Variants in ENOX1 observed in about 807,000 individuals in gnomAD.
ENOX1 encodes ecto-NOX disulfide-thiol exchanger 1.
ENOX1 carries 42 observed loss-of-function variants against 82.5 expected under a neutral mutation model. That is an observed-to-expected ratio of 0.51 (90% CI 0.40 to 0.66). The LOEUF (loss-of-function observed/expected upper bound fraction) is 0.66. Among genes scored for constraint, ENOX1 ranks in the 30% least tolerant of loss-of-function variants. The pLI is 0.00. For synonymous variants in ENOX1, 271 were observed against 282.2 expected (o/e 0.96, Z 0.40); for missense variants, 608 against 811.6 (o/e 0.75, Z 3.05).
intron 3 of ENOX1, among the ~76,000 whole-genome samples, chr13:43,475,173 T>G (rs563910409): frequency 1.3e-5 from 2 of 152,234 alleles, no homozygotes; most frequent in East Asian, 1.9e-4. Context: ...AATTTGACCA[T>G]TAAGAAAATA....
At chr13:43,540,641 G>A (rs2078665617) in intron 2 of ENOX1, among the ~76,000 whole-genome samples, 1 of 152,174 alleles carries the variant, frequency 6.6e-6, no homozygotes, top group Admixed American at 6.5e-5. Flanking sequence ...ATGGCTATGA[G>A]CTAGGTCCTG....
At chr13:43,617,894 G>GT (rs1566646442) in intron 2 of ENOX1, among the ~76,000 whole-genome samples, 1 of 2,338 alleles carries the variant, frequency 4.3e-4, no homozygotes, top group Admixed American at 0.012. Context: ...CTACTGGTTT[G>GT]TTGTTGTTGT....
At chr13:43,534,862 T>C (rs999424409) in intron 2 of ENOX1, among the ~76,000 whole-genome samples, 3 of 152,194 alleles carry the variant, frequency 2.0e-5, no homozygotes, top group Admixed American at 6.5e-5. Flanking sequence ...CAAGGTATTA[T>C]TTAGCCCAAA....
intron 2 of ENOX1, among the ~76,000 whole-genome samples, chr13:43,599,820 G>C (rs1214966920): frequency 2.0e-5 from 3 of 151,260 alleles, no homozygotes; most frequent in African/African-American, 4.9e-5. Context: ...GCAAGTCCAA[G>C]TTCAGGACTT....
chr13:43,411,915 C>A lies in ENOX1; in HGVS notation c.208+1G>T, dbSNP rs766321408. 6.2e-7 allele frequency: 1 copy of A among 1,614,142 alleles called. No individual in the cohort carries two copies. Among genetic ancestry groups the A allele is most frequent in the Non-Finnish European group, 8.5e-7 (1 of 1,179,998 alleles). On this transcript the variant is annotated splice_donor_variant, in intron 5 of 16. Coordinates refer to ENST00000690772, the MANE Select transcript of ENOX1 (RefSeq NM_001347969.2). LOFTEE classifies it high-confidence loss of function. The stretch of plus-strand genomic sequence containing the variant: ...ATCTCTGAAACCAGGAGAAAGCTTA[C>A]CAGACACGAGCTGCTGTCCAGGCAA...
intron 11 of ENOX1, among the ~76,000 whole-genome samples, chr13:43,319,394 T>C (rs1340387919): frequency 6.6e-6 from 1 of 152,086 alleles, no homozygotes; most frequent in Non-Finnish European, 1.5e-5. Flanking sequence ...TTATATATGG[T>C]AAAAAGAAAA....
At chr13:43,655,940 C>T (rs907767094) in intron 2 of ENOX1, among the ~76,000 whole-genome samples, 9 of 152,140 alleles carry the variant, frequency 5.9e-5, no homozygotes, top group African/African-American at 1.7e-4. Flanking sequence ...GGTTCATATC[C>T]AGAATATCCT....
At chr13:43,542,119 TA>T (rs2078757711) in intron 2 of ENOX1, among the ~76,000 whole-genome samples, 1 of 152,310 alleles carries the variant, frequency 6.6e-6, no homozygotes, top group East Asian at 1.9e-4. Context: ...CCCTGGAATT[TA>T]AAGCATAAGT....
chr13:43,531,104 C>T (rs1397237471), intron 2 of ENOX1, among the ~76,000 whole-genome samples: 1 of 150,302 alleles, frequency 6.7e-6, no homozygotes, highest in Non-Finnish European at 1.5e-5. Flanking sequence ...GTAAATAATA[C>T]TTTTTTTTTA....
intron 3 of ENOX1, among the ~76,000 whole-genome samples, chr13:43,449,328 G>C (rs1347416167): frequency 6.6e-6 from 1 of 152,186 alleles, no homozygotes; most frequent in Non-Finnish European, 1.5e-5. Context: ...TGGTTTCAGG[G>C]GACATTGTGA....
intron 5 of ENOX1, among the ~76,000 whole-genome samples, chr13:43,409,426 GA>G: frequency 6.6e-6 from 1 of 152,108 alleles, no homozygotes; most frequent in Non-Finnish European, 1.5e-5. Flanking sequence ...AAAAAAAGCA[GA>G]AAGGAGAAAG....
chr13:43,747,750 A>G (rs923519490), intron 1 of ENOX1, among the ~76,000 whole-genome samples: 2 of 152,186 alleles, frequency 1.3e-5, no homozygotes, highest in Admixed American at 6.5e-5. Flanking sequence ...ATACCTTTTT[A>G]TTTGAAGGAT....
At chr13:43,652,123 C>T (rs1456800022) in intron 2 of ENOX1, among the ~76,000 whole-genome samples, 3 of 152,012 alleles carry the variant, frequency 2.0e-5, no homozygotes, top group Non-Finnish European at 2.9e-5. Flanking sequence ...GAAAATGATG[C>T]CTCTTCAGGT....
intron 2 of ENOX1, among the ~76,000 whole-genome samples, chr13:43,627,213 A>T (rs1282499589): frequency 6.6e-6 from 1 of 151,994 alleles, no homozygotes; most frequent in Non-Finnish European, 1.5e-5. Context: ...CAGTTGGTTC[A>T]TGTTTTTAAT....
At chr13:43,555,527 G>A (rs1326213904) in intron 2 of ENOX1, among the ~76,000 whole-genome samples, 2 of 152,192 alleles carry the variant, frequency 1.3e-5, no homozygotes, top group Non-Finnish European at 2.9e-5. Context: ...TGGTCTTTGA[G>A]CTGAGTAAAA....
intron 1 of ENOX1, among the ~76,000 whole-genome samples, chr13:43,775,710 G>A (rs751128132): frequency 5.5e-4 from 83 of 151,966 alleles, no homozygotes; most frequent in Non-Finnish European, 1.1e-3. Flanking sequence ...CTTGACTTGG[G>A]GCCCCCGGAG....
chr13:43,616,166 C>CTATAGA (rs1566641724), intron 2 of ENOX1, among the ~76,000 whole-genome samples: 15 of 9,242 alleles, frequency 1.6e-3, no homozygotes, highest in African/African-American at 2.1e-3. Flanking sequence ...AGATATCTAT[C>CTATAGA]TATCTATCTA....
At chr13:43,785,687 C>A (rs1335686167) in intron 1 of ENOX1, among the ~76,000 whole-genome samples, 1 of 152,174 alleles carries the variant, frequency 6.6e-6, no homozygotes, top group African/African-American at 2.4e-5. Flanking sequence ...CAGAGCTGGG[C>A]TTGCCCACCT....
chr13:43,563,071 G>A (rs547316595), intron 2 of ENOX1, among the ~76,000 whole-genome samples: 1 of 152,026 alleles, frequency 6.6e-6, no homozygotes. Context: ...TTGTCCAATG[G>A]CTGCAAAATA....
Sources: gnomAD v4.1 joint callset for allele counts (sites outside exome capture counted in the v4.1 genomes callset) on GRCh38, gnomAD v4.1.1 for gene constraint, MANE v1.5 for transcripts, NCBI Gene and HGNC (gene_info 2026-07-23, HGNC 2026-07-21) for gene names.